Variants in ROBO1 observed in about 807,000 individuals in gnomAD.
ROBO1 encodes roundabout homolog 1.
In ROBO1, 149 loss-of-function variants were observed where a neutral mutation model predicts 195.9. The observed-to-expected ratio is 0.76, with a 90% CI of 0.67 to 0.87. The LOEUF (loss-of-function observed/expected upper bound fraction) is 0.87. Ranked by LOEUF, ROBO1 falls within the 40% of genes least tolerant of loss-of-function variation. The pLI, the probability that ROBO1 is intolerant of heterozygous loss-of-function variation, is 0.00. For missense variants in ROBO1, 1,933 were observed against 2,068.3 expected, an observed-to-expected ratio of 0.93 and a Z score of 1.27; for synonymous variants, 816 against 733.2, an observed-to-expected ratio of 1.11 and a Z score of -1.82.
chr3:79,683,762 C>T (rs1045163151), intron 1 of ROBO1, among the ~76,000 whole-genome samples: 2 of 152,042 alleles, frequency 1.3e-5, no homozygotes, highest in Non-Finnish European at 2.9e-5. Flanking sequence ...ATCCATGTTG[C>T]AGCATATATC....
In ROBO1 at chr3:78,945,650, C is replaced by T. The variant is rs145126335; in HGVS notation, c.173-6723G>A. Among the ~76,000 whole-genome samples, 502 of 152,168 alleles carry T rather than the reference C, an allele frequency of 3.3e-3. 4 individuals carry two copies. Among genetic ancestry groups the T allele is most frequent in the Non-Finnish European group, 4.6e-3 (314 of 68,006 alleles). Reference sequence around the variant, plus strand: ...AAGGAATGCAGCTCCTCACCAGCAACGGAACAAAACTGGATGGAGAATGAC... The same window carrying T: ...AAGGAATGCAGCTCCTCACCAGCAATGGAACAAAACTGGATGGAGAATGAC... On this transcript the variant is annotated intron_variant, in intron 3 of 30. Coordinates refer to ENST00000464233, the MANE Select transcript of ROBO1 (RefSeq NM_002941.4).
intron 1 of ROBO1, among the ~76,000 whole-genome samples, chr3:79,682,033 A>C (rs1946964493): frequency 6.6e-6 from 1 of 152,014 alleles, no homozygotes; most frequent in Non-Finnish European, 1.5e-5. Flanking sequence ...ACAATCAAGC[A>C]AAATGTAATT....
chr3:79,361,888 A>G (rs1256996928), intron 2 of ROBO1, among the ~76,000 whole-genome samples: 1 of 152,058 alleles, frequency 6.6e-6, no homozygotes, highest in East Asian at 1.9e-4. Flanking sequence ...TAAAAAGTAT[A>G]TTTCTTGATT....
chr3:79,225,688 C>T (rs1180559898), intron 2 of ROBO1, among the ~76,000 whole-genome samples: 3 of 152,160 alleles, frequency 2.0e-5, no homozygotes, highest in Non-Finnish European at 2.9e-5. Flanking sequence ...TAAAACATTA[C>T]TTCCATACCC....
intron 1 of ROBO1, among the ~76,000 whole-genome samples, chr3:79,715,191 A>T (rs963518757): frequency 1.3e-5 from 2 of 152,112 alleles, no homozygotes; most frequent in African/African-American, 4.8e-5. Flanking sequence ...AAAATATTAC[A>T]TGAACTTAGT....
At chr3:79,247,404 A>G (rs1384974395) in intron 2 of ROBO1, among the ~76,000 whole-genome samples, 2 of 151,216 alleles carry the variant, frequency 1.3e-5, no homozygotes, top group Non-Finnish European at 2.9e-5. Flanking sequence ...GTTTAAAGCA[A>G]TCGAACAAAG....
chr3:79,190,280 C>T (rs1302682636), intron 2 of ROBO1, among the ~76,000 whole-genome samples: 2 of 151,628 alleles, frequency 1.3e-5, no homozygotes, highest in Non-Finnish European at 3.0e-5. Context: ...GGAGAACTTT[C>T]TGTGTTGGCA....
At chr3:79,044,137 A>AT (rs928738144) in intron 3 of ROBO1, among the ~76,000 whole-genome samples, 3 of 151,610 alleles carry the variant, frequency 2.0e-5, no homozygotes, top group African/African-American at 7.3e-5. Context: ...AAAAAAAAAA[A>AT]AAAATCGCAA....
At chr3:78,911,095 T>C (rs537752335) in intron 4 of ROBO1, among the ~76,000 whole-genome samples, 8 of 152,126 alleles carry the variant, frequency 5.3e-5, no homozygotes, top group African/African-American at 1.2e-4. Flanking sequence ...AAAGAGATCA[T>C]TGAGTTTGTC....
At chr3:79,676,226 T>A (rs1946779650) in intron 1 of ROBO1, among the ~76,000 whole-genome samples, 1 of 152,086 alleles carries the variant, frequency 6.6e-6, no homozygotes, top group Admixed American at 6.6e-5. Context: ...ATATTGCAAC[T>A]GTAAAATAAG....
chr3:79,133,692 T>G (rs1300878404), intron 2 of ROBO1, among the ~76,000 whole-genome samples: 1 of 104,670 alleles, frequency 9.6e-6, no homozygotes, highest in Non-Finnish European at 1.9e-5. Context: ...CTCGTCAAAA[T>G]CATTCTCCAT....
intron 1 of ROBO1, among the ~76,000 whole-genome samples, chr3:79,734,601 C>G (rs566600541): frequency 2.3e-4 from 35 of 152,322 alleles, no homozygotes; most frequent in African/African-American, 8.2e-4. Context: ...TGCATTCCTA[C>G]TTGTGATTGA....
intron 2 of ROBO1, among the ~76,000 whole-genome samples, chr3:79,173,817 G>C (rs1300429858): frequency 6.6e-6 from 1 of 152,140 alleles, no homozygotes; most frequent in Non-Finnish European, 1.5e-5. Flanking sequence ...GAACCTTTAC[G>C]TCTAGCCAAG....
intron 26 of ROBO1, among the ~76,000 whole-genome samples, chr3:78,622,933 T>A (rs1575792125): frequency 6.6e-6 from 1 of 152,124 alleles, no homozygotes; most frequent in Non-Finnish European, 1.5e-5. Flanking sequence ...AGATCTTCCA[T>A]CCCCAGCCAA....
intron 2 of ROBO1, among the ~76,000 whole-genome samples, chr3:79,569,642 GAT>G (rs1491208620): frequency 7.8e-5 from 10 of 128,440 alleles, no homozygotes; most frequent in South Asian, 4.9e-4. Context: ...TATATGTATA[GAT>G]ATGTGTGTGT....
At chr3:79,161,148 T>C (rs974623501) in intron 2 of ROBO1, among the ~76,000 whole-genome samples, 6 of 152,064 alleles carry the variant, frequency 3.9e-5, no homozygotes, top group African/African-American at 1.4e-4. Context: ...GTATAATTGG[T>C]ACTTAATTAT....
chr3:78,748,542 G>C (rs1408153252), intron 4 of ROBO1, among the ~76,000 whole-genome samples: 2 of 152,010 alleles, frequency 1.3e-5, no homozygotes, highest in Non-Finnish European at 2.9e-5. Context: ...TGGAATGGAC[G>C]TCTTTCCATT....
intron 4 of ROBO1, among the ~76,000 whole-genome samples, chr3:78,851,951 A>AAC (rs1321424416): frequency 1.3e-5 from 2 of 152,100 alleles, no homozygotes; most frequent in African/African-American, 4.8e-5. Flanking sequence ...TAATATATTA[A>AAC]ACAGTATAAG....
chr3:78,789,570 T>C (rs2083954928), intron 4 of ROBO1, among the ~76,000 whole-genome samples: 1 of 152,182 alleles, frequency 6.6e-6, no homozygotes, highest in Non-Finnish European at 1.5e-5. Flanking sequence ...AAATCCTGTA[T>C]GTTCTGTTTT....
Sources: gnomAD v4.1 joint callset for allele counts (sites outside exome capture counted in the v4.1 genomes callset) on GRCh38, gnomAD v4.1.1 for gene constraint, MANE v1.5 for transcripts, NCBI Gene and HGNC (gene_info 2026-07-23, HGNC 2026-07-21) for gene names.